KIAA0825: variants seen among roughly 807,000 people sequenced by gnomAD.
KIAA0825 encodes uncharacterized protein KIAA0825.
KIAA0825 carries 119 observed loss-of-function variants against 147.6 expected under a neutral mutation model. That is an observed-to-expected ratio of 0.81 (90% CI 0.69 to 0.94). The LOEUF is 0.94. Ranked by LOEUF, KIAA0825 falls within the 40% of genes least tolerant of loss-of-function variation. The pLI is 0.00. For missense variants in KIAA0825, 1,381 were observed against 1,472.7 expected (o/e 0.94, Z 1.02); for synonymous variants, 470 against 518.1 (o/e 0.91, Z 1.26).
At chr5:94,214,864 C>T (rs1031416669) in intron 20 of KIAA0825, among the ~76,000 whole-genome samples, 2 of 152,086 alleles carry the variant, frequency 1.3e-5, no homozygotes, top group African/African-American at 4.8e-5. Flanking sequence ...GAGGAAAAAA[C>T]AACCAACAAA....
intron 20 of KIAA0825, among the ~76,000 whole-genome samples, chr5:94,319,754 C>G (rs1250022683): frequency 1.3e-5 from 2 of 151,988 alleles, no homozygotes; most frequent in Admixed American, 6.6e-5. Flanking sequence ...TATTTCCACT[C>G]TTTCTACCTT....
intron 20 of KIAA0825, among the ~76,000 whole-genome samples, chr5:94,223,328 A>G (rs575463345): frequency 5.3e-4 from 80 of 152,308 alleles, no homozygotes; most frequent in African/African-American, 1.9e-3. Context: ...CTGTGGTGCC[A>G]TATCTGAGCA....
chr5:94,276,737 T>G (rs1310235171), intron 20 of KIAA0825, among the ~76,000 whole-genome samples: 1 of 152,102 alleles, frequency 6.6e-6, no homozygotes, highest in Non-Finnish European at 1.5e-5. Flanking sequence ...TTAAATAAAT[T>G]TAATTCTTAT....
In KIAA0825 at chr5:94,348,439, G is replaced by A. The variant is rs560302994; in HGVS notation, c.3710+35929C>T. 5.3e-5 allele frequency among the ~76,000 whole-genome samples: 8 copies of A among 152,316 alleles called. No homozygotes were observed. The South Asian group carries it at 8.3e-4, about 16-fold the overall frequency. ...AAAGGAAAAACCTATCCGATTAATA[G>A]CAGATTTCTCAGCAGAAACCCTGCA... is the stretch of plus-strand genomic sequence containing the variant. On this transcript the variant is annotated intron_variant, in intron 20 of 20. Coordinates refer to ENST00000682413, the MANE Select transcript of KIAA0825 (RefSeq NM_001145678.3).
At chr5:94,210,872 T>G (rs17323356) in intron 20 of KIAA0825, among the ~76,000 whole-genome samples, 6,561 of 152,268 alleles carry the variant, frequency 0.043, 201 homozygotes, top group Middle Eastern at 0.065. Flanking sequence ...CGAGGCTTTA[T>G]CTAACAGAAT....
intron 14 of KIAA0825, among the ~76,000 whole-genome samples, chr5:94,422,450 G>A (rs926791926): frequency 1.3e-5 from 2 of 152,130 alleles, no homozygotes; most frequent in African/African-American, 4.8e-5. Context: ...AGCTTTCCCT[G>A]TGTCTTCAGG....
intron 2 of KIAA0825, among the ~76,000 whole-genome samples, chr5:94,549,992 A>G (rs77910146): frequency 1.5e-3 from 227 of 152,290 alleles, no homozygotes; most frequent in African/African-American, 5.3e-3. Flanking sequence ...CTTTTTGAAA[A>G]GATAAAATGG....
intron 5 of KIAA0825, among the ~76,000 whole-genome samples, chr5:94,493,951 G>A (rs1036734763): frequency 6.6e-6 from 1 of 152,074 alleles, no homozygotes; most frequent in East Asian, 1.9e-4. Flanking sequence ...AAGGCCCCAC[G>A]TGACAGGGAG....
At chr5:94,189,048 T>A (rs1281116632) in intron 20 of KIAA0825, among the ~76,000 whole-genome samples, 1 of 152,220 alleles carries the variant, frequency 6.6e-6, no homozygotes. Context: ...TATCTTTACC[T>A]GTGCTCGTTG....
At chr5:94,503,894 G>A (rs1765386298) in intron 5 of KIAA0825, among the ~76,000 whole-genome samples, 1 of 152,156 alleles carries the variant, frequency 6.6e-6, no homozygotes, top group South Asian at 2.1e-4. Context: ...AGTGCTCAGA[G>A]CTAGACTTCA....
intron 20 of KIAA0825, among the ~76,000 whole-genome samples, chr5:94,226,165 A>AGTTCTTTGT (rs1774144823): frequency 6.6e-6 from 1 of 152,242 alleles, no homozygotes; most frequent in Non-Finnish European, 1.5e-5. Flanking sequence ...ACAAATTTAC[A>AGTTCTTTGT]AGAACAAAAC....
intron 2 of KIAA0825, among the ~76,000 whole-genome samples, chr5:94,575,362 A>G (rs1348142066): frequency 4.9e-5 from 7 of 143,780 alleles, no homozygotes; most frequent in Non-Finnish European, 1.1e-4. Context: ...GCCATGACGG[A>G]AAAAAAAAAA....
intron 20 of KIAA0825, among the ~76,000 whole-genome samples, chr5:94,214,106 T>C (rs1431087252): frequency 6.6e-6 from 1 of 152,152 alleles, no homozygotes; most frequent in Non-Finnish European, 1.5e-5. Flanking sequence ...TCCACCTGCA[T>C]CAGCCTCCCA....
chr5:94,591,134 C>T (rs574061286), intron 1 of KIAA0825, among the ~76,000 whole-genome samples: 57 of 152,206 alleles, frequency 3.7e-4, no homozygotes, highest in Non-Finnish European at 6.9e-4. Flanking sequence ...GAAGAGTCAT[C>T]ATCACAAATT....
At chr5:94,604,969 T>TCAAAAAA (rs1180727170) in intron 1 of KIAA0825, among the ~76,000 whole-genome samples, 4 of 151,378 alleles carry the variant, frequency 2.6e-5, no homozygotes, top group African/African-American at 9.7e-5. Flanking sequence ...GAGCTGGATT[T>TCAAAAAA]CAAAAAAATT....
chr5:94,283,932 C>G (rs952204939), intron 20 of KIAA0825, among the ~76,000 whole-genome samples: 1 of 152,094 alleles, frequency 6.6e-6, no homozygotes, highest in African/African-American at 2.4e-5. Context: ...GTTGATATAT[C>G]TTAAAGTGAG....
chr5:94,456,241 G>A (rs1369703076), intron 12 of KIAA0825, among the ~76,000 whole-genome samples: 2 of 152,064 alleles, frequency 1.3e-5, no homozygotes, highest in Admixed American at 1.3e-4. Flanking sequence ...ATCCCTATTT[G>A]TCTAGTTATC....
intron 20 of KIAA0825, among the ~76,000 whole-genome samples, chr5:94,198,547 A>G (rs972269473): frequency 6.6e-6 from 1 of 152,096 alleles, no homozygotes; most frequent in South Asian, 2.1e-4. Flanking sequence ...GAGTTGAACA[A>G]TGAGAACACA....
chr5:94,490,799 T>C (rs1340149293), intron 5 of KIAA0825, among the ~76,000 whole-genome samples: 2 of 152,178 alleles, frequency 1.3e-5, no homozygotes, highest in African/African-American at 4.8e-5. Context: ...AGGTGTTAAA[T>C]GTTAGTTATA....
Sources: allele counts gnomAD v4.1 joint callset (sites outside exome capture counted in the v4.1 genomes callset), GRCh38; gene constraint gnomAD v4.1.1; transcripts MANE v1.5; gene names NCBI Gene and HGNC (gene_info 2026-07-23, HGNC 2026-07-21).